Variants in CBFA2T2 observed in about 807,000 individuals in gnomAD.
CBFA2T2 encodes protein CBFA2T2.
A neutral mutation model predicts 62.2 loss-of-function variants in CBFA2T2; 11 were observed. The ratio of observed to expected loss-of-function variants is 0.18; its 90% CI spans 0.11 to 0.29. The LOEUF is 0.29. CBFA2T2 is among the 10% of genes least tolerant of loss of function. The probability of loss-of-function intolerance (pLI) is 1.00; values close to 1 mark genes in which losing one functional copy is unlikely to be tolerated. For synonymous variants in CBFA2T2, 295 were observed against 287.5 expected, an observed-to-expected ratio of 1.03 and a Z score of -0.27; for missense variants, 592 against 774.1, an observed-to-expected ratio of 0.76 and a Z score of 2.79.
chr20:33,558,702 T>C (rs2146890389), intron 1 of CBFA2T2, among the ~76,000 whole-genome samples: 1 of 152,260 alleles, frequency 6.6e-6, no homozygotes, highest in African/African-American at 2.4e-5. Context: ...ATAGTGGCAA[T>C]TGGTGATCAT....
chr20:33,550,608 G>A (rs1381908751), intron 1 of CBFA2T2, among the ~76,000 whole-genome samples: 1 of 150,084 alleles, frequency 6.7e-6, no homozygotes, highest in East Asian at 2.0e-4. Flanking sequence ...TACTAATGTG[G>A]TTATTTATTT....
intron 3 of CBFA2T2, among the ~76,000 whole-genome samples, chr20:33,611,775 A>G (rs1250504823): frequency 6.6e-6 from 1 of 152,182 alleles, no homozygotes; most frequent in Non-Finnish European, 1.5e-5. Context: ...TCGGCTTCCC[A>G]AAGTGCTGGG....
rs546568825 is a variant in CBFA2T2, at chr20:33,495,898, G to A, written c.34+5597G>A. On this transcript the variant is annotated intron_variant, in intron 1 of 10. Transcript: ENST00000342704. ...ACCCCATTTGCAGGTTTATTATGAT[G>A]GTTAATATATGTTAATATATGTAAA... 2.0e-5 allele frequency among the ~76,000 whole-genome samples: 3 copies of A among 152,154 alleles called. No individual in the cohort carries two copies. The East Asian group carries it at 5.8e-4, about 29-fold the overall frequency.
chr20:33,523,427 A>C (rs985479460), intron 1 of CBFA2T2, among the ~76,000 whole-genome samples: 2 of 151,866 alleles, frequency 1.3e-5, no homozygotes, highest in Non-Finnish European at 2.9e-5. Flanking sequence ...AGCCTCCCTG[A>C]ATTATAATTT....
At chr20:33,637,578 G>T (rs1193450612) in intron 9 of CBFA2T2, among the ~76,000 whole-genome samples, 2 of 151,978 alleles carry the variant, frequency 1.3e-5, no homozygotes, top group Non-Finnish European at 2.9e-5. Context: ...AATTTTAAAA[G>T]ACCTTGTTGA....
intron 1 of CBFA2T2, among the ~76,000 whole-genome samples, chr20:33,543,308 C>T (rs2012455432): frequency 6.6e-6 from 1 of 151,980 alleles, no homozygotes; most frequent in Non-Finnish European, 1.5e-5. Context: ...CCGTGCCCGG[C>T]GAAAAATTAT....
chr20:33,574,496 A>C (rs533174947), intron 1 of CBFA2T2, among the ~76,000 whole-genome samples: 2 of 152,286 alleles, frequency 1.3e-5, no homozygotes, highest in East Asian at 3.9e-4. Flanking sequence ...GTGGTGGCAC[A>C]TGCCTGTAAT....
At chr20:33,619,698 C>A in intron 4 of CBFA2T2, 92 bp downstream of exon 4, 1 of 877,534 alleles carries the variant, frequency 1.1e-6, no homozygotes. Context: ...AGCCGCTTGC[C>A]ACGTTTTTAG....
rs1352648554 is a variant in CBFA2T2, at chr20:33,601,605, TCC to T, written c.35-5350_35-5349del. On this transcript the variant is annotated intron_variant, in intron 1 of 10. Coordinates refer to ENST00000342704, the MANE Select transcript of CBFA2T2 (RefSeq NM_001032999.3). The stretch of plus-strand genomic sequence containing the variant: ...TTATAAAGCAATGGATTTAATGGCT[TCC>T]TTGGCCAGCTTCTTTGGAATGATCA... Among the ~76,000 whole-genome samples, 328 of 152,240 alleles carry T rather than the reference TCC, an allele frequency of 2.2e-3. 3 individuals are homozygous for T. Among genetic ancestry groups the T allele is most frequent in the African/African-American group, 7.6e-3 (316 of 41,556 alleles).
chr20:33,603,942 A>G (rs2015239997), intron 1 of CBFA2T2, among the ~76,000 whole-genome samples: 1 of 152,166 alleles, frequency 6.6e-6, no homozygotes, highest in Admixed American at 6.5e-5. Context: ...CCTACTTTGG[A>G]ACATACCCTT....
chr20:33,527,521 T>C (rs2011924895), intron 1 of CBFA2T2, among the ~76,000 whole-genome samples: 2 of 151,912 alleles, frequency 1.3e-5, no homozygotes, highest in Admixed American at 6.6e-5. Flanking sequence ...CACAGATGCG[T>C]GCCACTACGT....
chr20:33,573,988 C>T, intron 1 of CBFA2T2: 1 of 589,904 alleles, frequency 1.7e-6, no homozygotes, highest in South Asian at 3.0e-5. Context: ...GGGGTTTTGC[C>T]ATGTTGCCCA....
At chr20:33,635,193 T>C (rs77569110) in intron 8 of CBFA2T2, among the ~76,000 whole-genome samples, 3,420 of 152,322 alleles carry the variant, frequency 0.022, 120 homozygotes, top group African/African-American at 0.078. Flanking sequence ...AAGACAATTC[T>C]GAAGGAAAAT....
At chr20:33,537,259 C>T (rs1180296579) in intron 1 of CBFA2T2, among the ~76,000 whole-genome samples, 2 of 152,246 alleles carry the variant, frequency 1.3e-5, no homozygotes, top group African/African-American at 2.4e-5. Context: ...CCGAGGCTGG[C>T]GGATCACTCG....
chr20:33,578,928 C>T (rs1427333688), intron 1 of CBFA2T2, among the ~76,000 whole-genome samples: 1 of 152,066 alleles, frequency 6.6e-6, no homozygotes, highest in African/African-American at 2.4e-5. Context: ...AAGAAATAGC[C>T]TGAGTGATGT....
chr20:33,621,287 CTTTTTTTTTT>C lies in CBFA2T2; in HGVS notation c.510+1698_510+1707del, dbSNP rs199805350. Among the ~76,000 whole-genome samples, 12 of 85,296 alleles carry C rather than the reference CTTTTTTTTTT, an allele frequency of 1.4e-4. No individual in the cohort carries two copies. In the East Asian group the frequency reaches 2.1e-3, roughly 15 times the overall value. The allele number at this position is 85,296 out of a possible 152,430, so 56.0% of individuals were successfully genotyped here. ...TCTATAATACCTTTAATTTTACTGCCTTTTTTTTTTTTTTTTTTTTTTTTTTGGGGAGACA... is the reference window on the plus strand; with the variant it reads ...TCTATAATACCTTTAATTTTACTGCCTTTTTTTTTTTTTTTTGGGGAGACA... On this transcript the variant is annotated intron_variant, in intron 4 of 10. Transcript: ENST00000342704.
At chr20:33,552,431 A>G (rs1183898022) in intron 1 of CBFA2T2, among the ~76,000 whole-genome samples, 1 of 152,198 alleles carries the variant, frequency 6.6e-6, no homozygotes. Flanking sequence ...TAGTAATTGA[A>G]TCAGTGAAAC....
chr20:33,646,672 A>ATGG lies in CBFA2T2; in HGVS notation c.*2029_*2031dup, dbSNP rs2017057643. 6.6e-6 allele frequency: 1 copy of ATGG among 151,812 alleles called. No homozygotes were observed. Among genetic ancestry groups the ATGG allele is most frequent in the Non-Finnish European group, 1.5e-5 (1 of 67,976 alleles). 9.4% of individuals were successfully genotyped at this position (151,812 alleles called of 1,614,324 possible). ...GGAATTCAAGACCAACCTGGCCAAC[A>ATGG]TGGTGAAACCCTGTCTCTAATAAAA... On this transcript the variant is annotated 3_prime_UTR_variant, in exon 11 of 11. Transcript: ENST00000342704.
At chr20:33,532,112 C>T (rs148398762) in intron 1 of CBFA2T2, among the ~76,000 whole-genome samples, 2 of 152,260 alleles carry the variant, frequency 1.3e-5, no homozygotes, top group East Asian at 3.9e-4. Context: ...GTTTGGTTTC[C>T]AGACCTCTCT....
Sources: gnomAD v4.1 joint callset for allele counts (sites outside exome capture counted in the v4.1 genomes callset) on GRCh38, gnomAD v4.1.1 for gene constraint, MANE v1.5 for transcripts, NCBI Gene and HGNC (gene_info 2026-07-23, HGNC 2026-07-21) for gene names.